The following GPC6 variants were observed in gnomAD, a reference collection of about 807,000 sequenced individuals.
GPC6 encodes glypican-6.
In GPC6, 14 loss-of-function variants were observed where a neutral mutation model predicts 55.2. The ratio of observed to expected loss-of-function variants is 0.25; its 90% CI spans 0.17 to 0.40. The LOEUF (loss-of-function observed/expected upper bound fraction) is 0.40. Ranked by LOEUF, GPC6 falls within the 10% of genes least tolerant of loss-of-function variation. GPC6 has a pLI of 1.00. For synonymous variants in GPC6, 278 were observed against 259.6 expected, an observed-to-expected ratio of 1.07 and a Z score of -0.68; for missense variants, 641 against 708.5, an observed-to-expected ratio of 0.90 and a Z score of 1.08.
chr13:93,525,169 T>C (rs1230639050), intron 1 of GPC6, among the ~76,000 whole-genome samples: 1 of 151,968 alleles, frequency 6.6e-6, no homozygotes, highest in East Asian at 1.9e-4. Flanking sequence ...GCAAAATTAA[T>C]TTGAAAGGAG....
intron 1 of GPC6, among the ~76,000 whole-genome samples, chr13:93,297,470 TA>T (rs1365507515): frequency 6.6e-6 from 1 of 151,772 alleles, no homozygotes; most frequent in Non-Finnish European, 1.5e-5. Flanking sequence ...AAATGCAAAA[TA>T]AAAAAAGAAA....
chr13:93,848,979 C>T (rs775615181), intron 3 of GPC6, among the ~76,000 whole-genome samples: 10 of 152,068 alleles, frequency 6.6e-5, no homozygotes, highest in Non-Finnish European at 1.3e-4. Context: ...TTTACTCACC[C>T]TCTTTTCAGA....
chr13:93,896,213 A>G (rs1876003300), intron 3 of GPC6, among the ~76,000 whole-genome samples: 1 of 152,038 alleles, frequency 6.6e-6, no homozygotes, highest in African/African-American at 2.4e-5. Flanking sequence ...ATGCTTTAAG[A>G]CAGCTTTCAG....
Position 93,284,015 on chromosome 13 carries a change from C to T in GPC6, c.160+56399C>T, listed in dbSNP as rs112631087. ...ATTGACAACTGTACATAAAGGCTCA[C>T]ATTCTCTCAGGGCAACACTTGTATT... is the stretch of plus-strand genomic sequence containing the variant. On this transcript the variant is annotated intron_variant, in intron 1 of 8. Coordinates refer to ENST00000377047, the MANE Select transcript of GPC6 (RefSeq NM_005708.5). 8.1e-3 allele frequency among the ~76,000 whole-genome samples: 1,239 copies of T among 152,320 alleles called. 13 individuals are homozygous for T. The highest frequency in any genetic ancestry group is 0.028 in the African/African-American group (1,153 of 41,588).
At chr13:93,241,297 T>C (rs1385460494) in intron 1 of GPC6, among the ~76,000 whole-genome samples, 1 of 152,242 alleles carries the variant, frequency 6.6e-6, no homozygotes, top group Non-Finnish European at 1.5e-5. Context: ...TTGGATGTTT[T>C]AGAGAATCCC....
At chr13:93,875,485 G>T (rs1270593795) in intron 3 of GPC6, among the ~76,000 whole-genome samples, 2 of 151,980 alleles carry the variant, frequency 1.3e-5, no homozygotes, top group Non-Finnish European at 2.9e-5. Flanking sequence ...GTGTAAAATT[G>T]TAATCAATAG....
chr13:93,335,600 T>C (rs1459718410), intron 1 of GPC6, among the ~76,000 whole-genome samples: 1 of 152,188 alleles, frequency 6.6e-6, no homozygotes, highest in Non-Finnish European at 1.5e-5. Flanking sequence ...GTAGGCCAAA[T>C]AGGTCCTCTG....
In GPC6 at chr13:93,359,410, T is replaced by C. The variant is rs142932511; in HGVS notation, c.160+131794T>C. The stretch of plus-strand genomic sequence containing the variant: ...TTACTCAACTTCCTCATCTGTAAAA[T>C]GGGATAATCGTACATTCTGTGCCTG... On this transcript the variant is annotated intron_variant, in intron 1 of 8. Coordinates refer to ENST00000377047, the MANE Select transcript of GPC6 (RefSeq NM_005708.5). Among the ~76,000 whole-genome samples, 280 of 152,288 alleles carry C rather than the reference T, an allele frequency of 1.8e-3. 3 individuals are homozygous for C. Among genetic ancestry groups the C allele is most frequent in the Non-Finnish European group, 2.5e-3 (167 of 68,026 alleles).
At chr13:93,263,826 A>G (rs143789296) in intron 1 of GPC6, among the ~76,000 whole-genome samples, 1 of 152,390 alleles carries the variant, frequency 6.6e-6, no homozygotes, top group African/African-American at 2.4e-5. Context: ...TATCTCTAAA[A>G]GAAATTCCTG....
At chr13:94,168,704 TAAATATATATA>T (rs1473255077) in intron 4 of GPC6, among the ~76,000 whole-genome samples, 2 of 148,058 alleles carry the variant, frequency 1.4e-5, no homozygotes, top group African/African-American at 4.9e-5. Flanking sequence ...TATATATTTA[TAAATATATATA>T]AAATATATAT....
chr13:93,233,167 G>A (rs1035110543), intron 1 of GPC6, among the ~76,000 whole-genome samples: 10 of 151,836 alleles, frequency 6.6e-5, no homozygotes, highest in African/African-American at 2.4e-4. Context: ...GATATATATA[G>A]TACAGTTTGA....
chr13:94,023,541 A>G (rs768760106), intron 3 of GPC6, among the ~76,000 whole-genome samples: 8 of 152,064 alleles, frequency 5.3e-5, no homozygotes, highest in Non-Finnish European at 1.0e-4. Flanking sequence ...AAAATGTTAC[A>G]AACAAGCTGG....
Position 94,360,207 on chromosome 13 carries a change from T to C in GPC6, c.1153-22207T>C, listed in dbSNP as rs568694233. On this transcript the variant is annotated intron_variant, in intron 6 of 8. Coordinates refer to ENST00000377047, the MANE Select transcript of GPC6 (RefSeq NM_005708.5). The stretch of plus-strand genomic sequence containing the variant: ...AGGAGTTTTTAGGACTTTCATTTTT[T>C]CACACTTGCCTGTTAGAGAAATGGC... Among the ~76,000 whole-genome samples the C allele has an allele frequency of 9.2e-5, 14 of 152,360 alleles. No individual in the cohort carries two copies. In the South Asian group the frequency reaches 1.0e-3, roughly 11 times the overall value.
chr13:93,910,209 G>C (rs959925406), intron 3 of GPC6, among the ~76,000 whole-genome samples: 2 of 152,058 alleles, frequency 1.3e-5, no homozygotes, highest in Non-Finnish European at 2.9e-5. Context: ...ATGGGGGTGG[G>C]TCTTTCCCAT....
chr13:93,591,979 AT>A (rs932630175), intron 2 of GPC6, among the ~76,000 whole-genome samples: 4 of 152,180 alleles, frequency 2.6e-5, no homozygotes, highest in Admixed American at 1.3e-4. Flanking sequence ...TTAAGGATAT[AT>A]TCTTTGAACA....
intron 1 of GPC6, among the ~76,000 whole-genome samples, chr13:93,229,910 AAC>A (rs1875951584): frequency 6.6e-6 from 1 of 152,178 alleles, no homozygotes; most frequent in Admixed American, 6.5e-5. Context: ...TTTCAAAATC[AAC>A]TTTACTTAAT....
intron 2 of GPC6, among the ~76,000 whole-genome samples, chr13:93,716,497 T>G (rs963569403): frequency 2.0e-5 from 3 of 151,268 alleles, no homozygotes; most frequent in Non-Finnish European, 3.0e-5. Context: ...AAAAACAAAA[T>G]TAAAATGTAA....
chr13:93,756,632 T>C (rs1371332359), intron 2 of GPC6, among the ~76,000 whole-genome samples: 1 of 152,208 alleles, frequency 6.6e-6, no homozygotes, highest in Non-Finnish European at 1.5e-5. Flanking sequence ...TGCTTAATTT[T>C]ACACAGATGG....
intron 3 of GPC6, among the ~76,000 whole-genome samples, chr13:94,002,576 T>C (rs1346732571): frequency 6.6e-6 from 1 of 152,070 alleles, no homozygotes; most frequent in African/African-American, 2.4e-5. Flanking sequence ...GAGACACACT[T>C]AAAGTAGGGA....
Sources: gnomAD v4.1 joint callset for allele counts (sites outside exome capture counted in the v4.1 genomes callset) on GRCh38, gnomAD v4.1.1 for gene constraint, MANE v1.5 for transcripts, NCBI Gene and HGNC (gene_info 2026-07-23, HGNC 2026-07-21) for gene names.